Variants in ADAMTSL1 observed in about 807,000 individuals in gnomAD.
ADAMTSL1 encodes ADAMTS-like protein 1.
ADAMTSL1 carries 126 observed loss-of-function variants against 201.8 expected under a neutral mutation model. The ratio of observed to expected loss-of-function variants is 0.62; its 90% CI spans 0.54 to 0.72. The LOEUF (loss-of-function observed/expected upper bound fraction) is 0.72. Ranked by LOEUF, ADAMTSL1 falls within the 30% of genes least tolerant of loss-of-function variation. The probability of loss-of-function intolerance (pLI) is 0.00; values close to 1 mark genes in which losing one functional copy is unlikely to be tolerated. For synonymous variants in ADAMTSL1, 1,121 were observed against 903.4 expected (o/e 1.24, Z -4.32); for missense variants, 2,679 against 2,277.8 (o/e 1.18, Z -3.59).
intron 4 of ADAMTSL1, among the ~76,000 whole-genome samples, chr9:18,588,090 A>G (rs972623344): frequency 8.5e-5 from 13 of 152,076 alleles, no homozygotes; most frequent in African/African-American, 2.4e-4. Flanking sequence ...ATTCCCACCA[A>G]CAGTGTGCAA....
At chr9:18,020,875 C>G (rs2131582521) in intron 1 of ADAMTSL1, among the ~76,000 whole-genome samples, 1 of 152,250 alleles carries the variant, frequency 6.6e-6, no homozygotes, top group Non-Finnish European at 1.5e-5. Flanking sequence ...CTCATTTACA[C>G]TGTTATGTTT....
chr9:18,218,340 T>C (rs141895530), intron 2 of ADAMTSL1, among the ~76,000 whole-genome samples: 38 of 152,288 alleles, frequency 2.5e-4, no homozygotes, highest in African/African-American at 8.7e-4. Flanking sequence ...TCATTTAATT[T>C]TGGATATTAA....
chr9:18,262,279 A>G (rs978525404), intron 2 of ADAMTSL1, among the ~76,000 whole-genome samples: 1 of 152,220 alleles, frequency 6.6e-6, no homozygotes, highest in Non-Finnish European at 1.5e-5. Flanking sequence ...GTGGCAAAAT[A>G]GAACACCCAA....
intron 25 of ADAMTSL1, among the ~76,000 whole-genome samples, chr9:18,891,599 A>T (rs1829279047): frequency 6.6e-6 from 1 of 152,220 alleles, no homozygotes. Context: ...TTCAGAGAAC[A>T]ACTATTTCTA....
At chr9:18,673,673 A>G (rs1829963162) in intron 9 of ADAMTSL1, among the ~76,000 whole-genome samples, 1 of 152,166 alleles carries the variant, frequency 6.6e-6, no homozygotes, top group South Asian at 2.1e-4. Context: ...ATTGACAGAG[A>G]TCTGCAACAG....
At chr9:18,111,361 G>A (rs568015451) in intron 1 of ADAMTSL1, among the ~76,000 whole-genome samples, 2 of 152,214 alleles carry the variant, frequency 1.3e-5, no homozygotes, top group South Asian at 2.1e-4. Flanking sequence ...TTCACTTAAT[G>A]TCTAAAGCTT....
chr9:18,420,474 T>C (rs1818892172), intron 2 of ADAMTSL1, among the ~76,000 whole-genome samples: 1 of 152,200 alleles, frequency 6.6e-6, no homozygotes, highest in African/African-American at 2.4e-5. Context: ...GCAGCAAGCC[T>C]ACAGCTCAGA....
intron 1 of ADAMTSL1, among the ~76,000 whole-genome samples, chr9:18,145,147 A>G (rs955362724): frequency 6.6e-6 from 1 of 152,198 alleles, no homozygotes; most frequent in Non-Finnish European, 1.5e-5. Flanking sequence ...AGTGGCATTT[A>G]TATGTTAAAA....
intron 23 of ADAMTSL1, among the ~76,000 whole-genome samples, chr9:18,859,863 G>A (rs10121884): frequency 0.18 from 27,042 of 151,900 alleles, 5,390 homozygotes; most frequent in African/African-American, 0.49. Flanking sequence ...ATCTTTTGGG[G>A]TACAAGTGGT....
chr9:18,031,714 C>T (rs889313089), intron 1 of ADAMTSL1, among the ~76,000 whole-genome samples: 5 of 152,276 alleles, frequency 3.3e-5, no homozygotes, highest in African/African-American at 1.2e-4. Flanking sequence ...CCTGCATTTC[C>T]TTAGTCCCAT....
At chr9:18,885,992 A>C (rs932323948) in intron 23 of ADAMTSL1, among the ~76,000 whole-genome samples, 5 of 151,588 alleles carry the variant, frequency 3.3e-5, no homozygotes, top group African/African-American at 7.3e-5. Flanking sequence ...GGATTCAAAA[A>C]CAAGAAATGC....
At chr9:18,159,181 T>G (rs1827281030) in intron 1 of ADAMTSL1, among the ~76,000 whole-genome samples, 2 of 152,068 alleles carry the variant, frequency 1.3e-5, no homozygotes, top group South Asian at 4.1e-4. Context: ...TTTACTATCT[T>G]AATTCTCAGT....
At chr9:18,019,597 C>T (rs1820398082) in intron 1 of ADAMTSL1, among the ~76,000 whole-genome samples, 1 of 151,938 alleles carries the variant, frequency 6.6e-6, no homozygotes, top group South Asian at 2.1e-4. Context: ...CAGCAGGAGC[C>T]CAAGGTAGAG....
At chr9:17,928,293 C>A (rs1826637953) in intron 1 of ADAMTSL1, among the ~76,000 whole-genome samples, 1 of 152,144 alleles carries the variant, frequency 6.6e-6, no homozygotes, top group African/African-American at 2.4e-5. Context: ...GCCACTGAAC[C>A]TAGTTCTTTT....
intron 7 of ADAMTSL1, among the ~76,000 whole-genome samples, chr9:18,650,606 G>A (rs1319815658): frequency 1.3e-5 from 2 of 152,130 alleles, no homozygotes; most frequent in Non-Finnish European, 2.9e-5. Flanking sequence ...AGACTTTTTA[G>A]TGCAAAAGGA....
At chr9:18,289,422 C>G (rs1286392164) in intron 2 of ADAMTSL1, among the ~76,000 whole-genome samples, 4 of 152,116 alleles carry the variant, frequency 2.6e-5, no homozygotes, top group Admixed American at 2.6e-4. Context: ...TAAAATTAAC[C>G]ATCCAAATTT....
In ADAMTSL1 at chr9:18,153,989, A is replaced by T. The variant is rs544639871; in HGVS notation, c.88-9873A>T. Among the ~76,000 whole-genome samples the T allele has an allele frequency of 3.3e-5, 5 of 152,134 alleles. No individual in the cohort carries two copies. In the East Asian group the frequency reaches 9.7e-4, roughly 30 times the overall value. On this transcript the variant is annotated intron_variant, in intron 1 of 29. Transcript: ENST00000680146. ...AATTCTGGCAGCAGGTAATTTTGAGATTTATAGCATCAGACACAAAATCAC... is the reference window on the plus strand; with the variant it reads ...AATTCTGGCAGCAGGTAATTTTGAGTTTTATAGCATCAGACACAAAATCAC...
At chr9:18,625,600 T>G (rs958965385) in intron 5 of ADAMTSL1, among the ~76,000 whole-genome samples, 1 of 152,166 alleles carries the variant, frequency 6.6e-6, no homozygotes, top group Non-Finnish European at 1.5e-5. Context: ...ATAAAAATAG[T>G]CAAATATAGC....
chr9:18,745,697 T>C (rs771219410), intron 15 of ADAMTSL1, among the ~76,000 whole-genome samples: 1 of 152,222 alleles, frequency 6.6e-6, no homozygotes, highest in East Asian at 1.9e-4. Context: ...TCTGTTGATA[T>C]ATCTGTGTCT....
Sources: allele counts gnomAD v4.1 joint callset (sites outside exome capture counted in the v4.1 genomes callset), GRCh38; gene constraint gnomAD v4.1.1; transcripts MANE v1.5; gene names NCBI Gene and HGNC (gene_info 2026-07-23, HGNC 2026-07-21).